The following MOB3B variants were observed in gnomAD, a reference collection of about 807,000 sequenced individuals.
MOB3B encodes MOB kinase activator-like 2B.
A neutral mutation model predicts 18.7 loss-of-function variants in MOB3B; 7 were observed. The observed-to-expected ratio is 0.37, with a 90% CI of 0.21 to 0.70. MOB3B has a LOEUF of 0.70. Among genes scored for constraint, MOB3B ranks in the 30% least tolerant of loss-of-function variants. The pLI is 0.52. For synonymous variants in MOB3B, 111 were observed against 99.9 expected (o/e 1.11, Z -0.66); for missense variants, 253 against 281.3 (o/e 0.90, Z 0.72).
chr9:27,461,391 A>G (rs1444042535), intron 1 of MOB3B, among the ~76,000 whole-genome samples: 1 of 152,220 alleles, frequency 6.6e-6, no homozygotes, highest in Non-Finnish European at 1.5e-5. Flanking sequence ...CCCAGAATGG[A>G]AGAGATTCCT....
At chr9:27,513,915 GGATGGATGGAT>G (rs1288657615) in intron 1 of MOB3B, among the ~76,000 whole-genome samples, 1 of 316 alleles carries the variant, frequency 3.2e-3, no homozygotes, top group African/African-American at 0.011. Context: ...ATGGATGGAT[GGATGGATGGAT>G]GGTGGGTGGG....
intron 1 of MOB3B, among the ~76,000 whole-genome samples, chr9:27,489,058 T>C (rs957544323): frequency 6.6e-6 from 1 of 152,242 alleles, no homozygotes; most frequent in Non-Finnish European, 1.5e-5. Context: ...ACGGTAGTTT[T>C]AGAAAATGTG....
At chr9:27,525,022 C>A in intron 1 of MOB3B, 1 of 1,384,726 alleles carries the variant, frequency 7.2e-7, no homozygotes, top group Non-Finnish European at 9.7e-7. Context: ...TCTCCTCCTC[C>A]AACTTCTTTT....
intron 2 of MOB3B, among the ~76,000 whole-genome samples, chr9:27,384,804 C>T (rs960346803): frequency 5.3e-5 from 8 of 152,328 alleles, no homozygotes; most frequent in African/African-American, 1.9e-4. Context: ...TGAGTAGCAT[C>T]AGGAACTGAG....
At chr9:27,356,658 C>G (rs1821193733) in intron 3 of MOB3B, among the ~76,000 whole-genome samples, 1 of 152,112 alleles carries the variant, frequency 6.6e-6, no homozygotes, top group Non-Finnish European at 1.5e-5. Context: ...CTTCCACAGC[C>G]TCTTCCTTCT....
intron 2 of MOB3B, among the ~76,000 whole-genome samples, chr9:27,433,031 C>G (rs368606891): frequency 2.6e-5 from 4 of 152,014 alleles, no homozygotes; most frequent in East Asian, 1.9e-4. Flanking sequence ...TTAAGAAAAT[C>G]AACATCTTTA....
intron 2 of MOB3B, chr9:27,378,824 A>G (rs1276338307): frequency 1.6e-5 from 6 of 379,950 alleles, no homozygotes; most frequent in Non-Finnish European, 3.2e-5. Context: ...ATTTGAAAGA[A>G]GGTCATTTGG....
chr9:27,442,997 C>T (rs920533289), intron 2 of MOB3B, among the ~76,000 whole-genome samples: 7 of 152,154 alleles, frequency 4.6e-5, no homozygotes, highest in East Asian at 3.8e-4. Flanking sequence ...AGAATTTGCT[C>T]GCCCCAGACA....
At chr9:27,496,020 T>C (rs900305646) in intron 1 of MOB3B, among the ~76,000 whole-genome samples, 2 of 152,186 alleles carry the variant, frequency 1.3e-5, no homozygotes, top group African/African-American at 4.8e-5. Flanking sequence ...TAGCATAGAT[T>C]CTCTTCTAAG....
chr9:27,378,292 G>A (rs1242022024), intron 2 of MOB3B: 1 of 462,158 alleles, frequency 2.2e-6, no homozygotes, highest in South Asian at 1.6e-5. Flanking sequence ...AGCTGGGGAG[G>A]GAATGAGGTC....
intron 1 of MOB3B, among the ~76,000 whole-genome samples, chr9:27,484,977 CA>C (rs1279027662): frequency 2.0e-5 from 3 of 152,146 alleles, no homozygotes; most frequent in Admixed American, 6.5e-5. Flanking sequence ...ACCCTGACAA[CA>C]CATGAACCAC....
At chr9:27,462,073 T>A (rs1334647758) in intron 1 of MOB3B, among the ~76,000 whole-genome samples, 1 of 152,182 alleles carries the variant, frequency 6.6e-6, no homozygotes, top group Non-Finnish European at 1.5e-5. Context: ...GACCTTTTGG[T>A]CAAACCTTGG....
chr9:27,340,290 G>T (rs1820920571), intron 3 of MOB3B, among the ~76,000 whole-genome samples: 1 of 152,154 alleles, frequency 6.6e-6, no homozygotes, highest in South Asian at 2.1e-4. Context: ...GCCACCCACG[G>T]AGAATATTTA....
intron 2 of MOB3B, among the ~76,000 whole-genome samples, chr9:27,414,183 G>C (rs766500774): frequency 6.6e-6 from 1 of 152,136 alleles, no homozygotes; most frequent in Non-Finnish European, 1.5e-5. Flanking sequence ...GCCCACTCTT[G>C]CCAATAAATG....
chr9:27,482,240 GAAAA>G (rs1208460516), intron 1 of MOB3B, among the ~76,000 whole-genome samples: 1 of 152,068 alleles, frequency 6.6e-6, no homozygotes, highest in Non-Finnish European at 1.5e-5. Flanking sequence ...TAAAGGACGG[GAAAA>G]ACATTAAATA....
intron 2 of MOB3B, among the ~76,000 whole-genome samples, chr9:27,374,437 A>T (rs1418397081): frequency 1.3e-5 from 2 of 152,196 alleles, no homozygotes; most frequent in Non-Finnish European, 2.9e-5. Context: ...ATGGAGTTTA[A>T]AAAGTCCTCA....
intron 2 of MOB3B, among the ~76,000 whole-genome samples, chr9:27,398,045 A>C (rs1821826852): frequency 2.0e-5 from 3 of 152,200 alleles, no homozygotes; most frequent in African/African-American, 7.2e-5. Context: ...CCAAAGATAA[A>C]TTTATGGCAT....
intron 3 of MOB3B, among the ~76,000 whole-genome samples, chr9:27,355,756 G>T (rs1386867818): frequency 1.3e-5 from 2 of 151,916 alleles, no homozygotes; most frequent in Admixed American, 6.6e-5. Context: ...TAGAGACGGG[G>T]TTTCACCGTG....
chr9:27,341,063 G>A (rs1206039281), intron 3 of MOB3B, among the ~76,000 whole-genome samples: 3 of 152,218 alleles, frequency 2.0e-5, no homozygotes, highest in Non-Finnish European at 4.4e-5. Context: ...CTGGATGCGG[G>A]AGGGCAGGGG....
Sources: gnomAD v4.1 joint callset for allele counts (sites outside exome capture counted in the v4.1 genomes callset) on GRCh38, gnomAD v4.1.1 for gene constraint, MANE v1.5 for transcripts, NCBI Gene and HGNC (gene_info 2026-07-23, HGNC 2026-07-21) for gene names.